The following PDS5A variants were observed in gnomAD, a reference collection of about 807,000 sequenced individuals.
PDS5A encodes sister chromatid cohesion protein PDS5 homolog A.
In PDS5A, 42 loss-of-function variants were observed where a neutral mutation model predicts 167.1. The observed-to-expected ratio is 0.25, with a 90% CI of 0.20 to 0.33. The LOEUF is 0.33. PDS5A is among the 10% of genes least tolerant of loss of function. The pLI, the probability that PDS5A is intolerant of heterozygous loss-of-function variation, is 1.00. For synonymous variants in PDS5A, 553 were observed against 554.6 expected (o/e 1.00, Z 0.04); for missense variants, 1,033 against 1,605.9 (o/e 0.64, Z 6.10).
At chr4:39,894,779 T>C (rs554450476) in intron 16 of PDS5A, among the ~76,000 whole-genome samples, 2 of 152,326 alleles carry the variant, frequency 1.3e-5, no homozygotes, top group South Asian at 2.1e-4. Flanking sequence ...GTCCCAAGCA[T>C]AGTACTTGAC....
rs1305324514 is a variant in PDS5A, at chr4:39,822,901, A to G, written c.*2584T>C. 6.6e-6 allele frequency: 1 copy of G among 152,602 alleles called. No homozygotes were observed. The highest frequency in any genetic ancestry group is 1.5e-5 in the Non-Finnish European group (1 of 68,022). 9.5% of individuals were successfully genotyped at this position (152,602 alleles called of 1,614,324 possible). ...CTTGGTTTTATTTGAAACAGTGCAT[A>G]TTTTTAGCATTTTATGGTAGGATTT... On this transcript the variant is annotated 3_prime_UTR_variant, in exon 33 of 33. Coordinates refer to ENST00000303538, the MANE Select transcript of PDS5A (RefSeq NM_001100399.2).
Position 39,930,248 on chromosome 4 carries a change from T to TTTTG in PDS5A, c.139-2085_139-2084insCAAA, listed in dbSNP as rs1553903843. Among the ~76,000 whole-genome samples, 5 of 70,744 alleles carry TTTTG rather than the reference T, an allele frequency of 7.1e-5. No homozygotes were observed. The East Asian group carries it at 2.4e-3, about 33-fold the overall frequency. The allele number at this position is 70,744 out of a possible 152,430, so 46.4% of individuals were successfully genotyped here. On this transcript the variant is annotated intron_variant, in intron 2 of 32. Transcript: ENST00000303538. ...AAAAAAAAAAAAAAAAAAAAAAAAG[T>TTTTG]TTTTTTGTTTTTTGTTTTTTTTTTT...
intron 32 of PDS5A, among the ~76,000 whole-genome samples, chr4:39,828,044 C>T (rs1409871627): frequency 6.6e-6 from 1 of 152,194 alleles, no homozygotes; most frequent in Non-Finnish European, 1.5e-5. Flanking sequence ...ATCCGAAACT[C>T]AGAGACCCAA....
chr4:39,922,978 A>G (rs571245331), intron 5 of PDS5A, among the ~76,000 whole-genome samples: 2 of 152,292 alleles, frequency 1.3e-5, no homozygotes, highest in African/African-American at 4.8e-5. Context: ...TTATAAAAAC[A>G]AAGACAAACC....
At chr4:39,870,697 A>ATCCTTGACATCAT (rs1373963597) in intron 21 of PDS5A, among the ~76,000 whole-genome samples, 40 of 152,332 alleles carry the variant, frequency 2.6e-4, no homozygotes, top group African/African-American at 9.4e-4. Context: ...CACAAAAAAT[A>ATCCTTGACATCAT]TCCTTGACAT....
chr4:39,832,636 G>T (rs1716011242), intron 32 of PDS5A, among the ~76,000 whole-genome samples: 1 of 152,114 alleles, frequency 6.6e-6, no homozygotes, highest in South Asian at 2.1e-4. Flanking sequence ...GGGGCAGGAA[G>T]ATTGCTTGAT....
intron 24 of PDS5A, 73 bp from the exon 25 acceptor site, chr4:39,863,146 T>A: frequency 8.5e-7 from 1 of 1,177,498 alleles, no homozygotes. Context: ...GTATTTTTAG[T>A]GTCTTCAATT....
chr4:39,972,249 C>T (rs1168426224), intron 2 of PDS5A, among the ~76,000 whole-genome samples: 3 of 152,156 alleles, frequency 2.0e-5, no homozygotes, highest in South Asian at 2.1e-4. Flanking sequence ...TGGCTGGGCG[C>T]GGTGGCTCAC....
intron 32 of PDS5A, among the ~76,000 whole-genome samples, chr4:39,828,677 C>CCAACTGCA (rs1171801002): frequency 1.3e-5 from 2 of 152,076 alleles, no homozygotes; most frequent in African/African-American, 4.8e-5. Context: ...ATAGTAAATA[C>CCAACTGCA]CAAGTAATAC....
At chr4:39,965,580 G>A (rs1370485065) in intron 2 of PDS5A, among the ~76,000 whole-genome samples, 1 of 152,192 alleles carries the variant, frequency 6.6e-6, no homozygotes, top group Non-Finnish European at 1.5e-5. Flanking sequence ...AGGGAAGGAA[G>A]TAATAACACA....
intron 5 of PDS5A, among the ~76,000 whole-genome samples, chr4:39,924,879 A>C (rs1725311786): frequency 6.6e-6 from 1 of 152,208 alleles, no homozygotes; most frequent in African/African-American, 2.4e-5. Context: ...TGGGAGGCCG[A>C]GGTGGGTGGA....
intron 2 of PDS5A, among the ~76,000 whole-genome samples, chr4:39,945,713 T>C (rs1727691371): frequency 6.6e-6 from 1 of 150,844 alleles, no homozygotes; most frequent in African/African-American, 2.4e-5. Context: ...AAAATTTAGA[T>C]GGGAGCATCT....
At chr4:39,858,971 G>A (rs59729264) in intron 26 of PDS5A, among the ~76,000 whole-genome samples, 3,776 of 152,140 alleles carry the variant, frequency 0.025, 160 homozygotes, top group East Asian at 0.18. Context: ...AAAATACACT[G>A]GGCTTCATTA....
intron 9 of PDS5A, among the ~76,000 whole-genome samples, chr4:39,913,379 A>C: frequency 6.6e-6 from 1 of 152,208 alleles, no homozygotes; most frequent in East Asian, 1.9e-4. Flanking sequence ...ACGGCTGGCC[A>C]TGACATTATT....
At position 39,842,014 on chromosome 4, in the gene PDS5A, A is replaced by G; in HGVS notation, c.3591T>C (p.Asn1197=). The change falls in exon 31 of 33, where the codon AAT becomes AAC. Residue 1197 remains asparagine (N), a synonymous_variant. Transcript: ENST00000303538. The part of the protein sequence containing the change: ...SEAAETGVSE[N]EENPVRIISV... ...AAATAATCCTCACAGGGTTCTCTTC[A>G]TTTTCACTAACTCCAGTTTCTGCTG... 2 of 1,610,106 alleles carry G rather than the reference A, an allele frequency of 1.2e-6. No individual in the cohort carries two copies. Among genetic ancestry groups the G allele is most frequent in the Non-Finnish European group, 1.7e-6 (2 of 1,176,440 alleles).
At chr4:39,892,093 CAAAACAAAAAACAA>C (rs1295633701) in intron 16 of PDS5A, among the ~76,000 whole-genome samples, 1 of 151,148 alleles carries the variant, frequency 6.6e-6, no homozygotes, top group Non-Finnish European at 1.5e-5. Context: ...GACTCTGTCT[CAAAACAAAAAACAA>C]AAAACAAAAA....
chr4:39,929,510 C>T (rs1162094222), intron 2 of PDS5A, among the ~76,000 whole-genome samples: 1 of 82,286 alleles, frequency 1.2e-5, no homozygotes, highest in Non-Finnish European at 2.1e-5. Flanking sequence ...TGAGTTAATA[C>T]TTAATAAACT....
chr4:39,912,656 G>A (rs753480207), intron 9 of PDS5A, among the ~76,000 whole-genome samples: 3 of 152,042 alleles, frequency 2.0e-5, no homozygotes, highest in Non-Finnish European at 4.4e-5. Context: ...CTAAAACAAC[G>A]GAGAATCTCG....
At chr4:39,962,413 A>G (rs1729572726) in intron 2 of PDS5A, among the ~76,000 whole-genome samples, 1 of 152,142 alleles carries the variant, frequency 6.6e-6, no homozygotes, top group Non-Finnish European at 1.5e-5. Flanking sequence ...TCAACATGAC[A>G]CTTATGTTTA....
Sources: allele counts gnomAD v4.1 joint callset (sites outside exome capture counted in the v4.1 genomes callset), GRCh38; gene constraint gnomAD v4.1.1; transcripts MANE v1.5; gene names NCBI Gene and HGNC (gene_info 2026-07-23, HGNC 2026-07-21).